GGACT: variants seen among roughly 807,000 people sequenced by gnomAD.
GGACT encodes the protein gamma-glutamylaminecyclotransferase.
For synonymous variants in GGACT, 118 were observed against 115.3 expected (o/e 1.02, Z -0.15); for missense variants, 241 against 233.2 (o/e 1.03, Z -0.22).
intron 2 of GGACT, among the ~76,000 whole-genome samples, chr13:100,578,097 C>T (rs1875306763): frequency 6.6e-6 from 1 of 152,168 alleles, no homozygotes; most frequent in Non-Finnish European, 1.5e-5. Flanking sequence ...GAAAACCATT[C>T]ATTTGATAAG....
chr13:100,558,453 C>T (rs1007372022), intron 2 of GGACT, among the ~76,000 whole-genome samples: 5 of 152,126 alleles, frequency 3.3e-5, no homozygotes, highest in African/African-American at 1.2e-4. Flanking sequence ...ATAAAAACCA[C>T]AAAGAGATAC....
intron 2 of GGACT, among the ~76,000 whole-genome samples, chr13:100,544,508 C>T (rs921628340): frequency 3.9e-5 from 6 of 152,200 alleles, no homozygotes; most frequent in African/African-American, 1.4e-4. Context: ...AAGTCCCTGG[C>T]AAAACACCTT....
intron 2 of GGACT, among the ~76,000 whole-genome samples, chr13:100,542,203 C>CTA (rs761552624): frequency 2.6e-5 from 4 of 152,204 alleles, no homozygotes; most frequent in Non-Finnish European, 5.9e-5. Flanking sequence ...GTCCAACTTA[C>CTA]TAAGTTAGAG....
intron 2 of GGACT, among the ~76,000 whole-genome samples, chr13:100,582,714 C>T (rs34914873): frequency 0.074 from 11,332 of 152,174 alleles, 1,047 homozygotes; most frequent in African/African-American, 0.21. Flanking sequence ...CAGATTCTCC[C>T]TAGAGCCTCC....
In GGACT at chr13:100,534,933, A is replaced by G. The variant is rs1180017879; in HGVS notation, c.-10-2332T>C. Among the ~76,000 whole-genome samples, 1 of 152,228 alleles carries G rather than the reference A, an allele frequency of 6.6e-6. No individual in the cohort carries two copies. Among genetic ancestry groups the G allele is most frequent in the Admixed American group, 6.5e-5 (1 of 15,292 alleles). On this transcript the variant is annotated intron_variant, in intron 2 of 2. Coordinates refer to ENST00000683975, the MANE Select transcript of GGACT (RefSeq NM_001195087.2). This position sits in a 1 kb window ranked among gnomAD's most constrained non-coding sequence, Gnocchi z 4.9. Reference sequence around the variant, plus strand: ...CGCCTGACCTGGAGGGTGCAGGAGTAGTAGGCAGGGCCTACTCAGTCTGTC... The same window carrying G: ...CGCCTGACCTGGAGGGTGCAGGAGTGGTAGGCAGGGCCTACTCAGTCTGTC...
At chr13:100,559,866 T>C (rs2088744132) in intron 2 of GGACT, among the ~76,000 whole-genome samples, 1 of 152,280 alleles carries the variant, frequency 6.6e-6, no homozygotes, top group Non-Finnish European at 1.5e-5. Flanking sequence ...CAGTTATGTA[T>C]ACCAGTTTAA....
rs1326611113 is a variant in GGACT, at chr13:100,532,145, G to A, written c.447C>T (p.Pro149=). The change falls in exon 3 of 3, where the codon CCC becomes CCT. Residue 149 remains proline, a synonymous_variant. Coordinates refer to ENST00000683975, the MANE Select transcript of GGACT (RefSeq NM_001195087.2). ...CCCGTCCCCCTTATCTGTTCTCCCGGGGGTTGTAGCGCAGCCCGTGCGGCC... is the reference window on the plus strand; with the variant it reads ...CCCGTCCCCCTTATCTGTTCTCCCGAGGGTTGTAGCGCAGCCCGTGCGGCC... The part of the protein sequence containing the change: ...SEGPHGLRYN[P]RENR 3.4e-6 allele frequency: 5 copies of A among 1,450,862 alleles called. No individual in the cohort carries two copies. The highest frequency in any genetic ancestry group is 2.5e-5 in the East Asian group (1 of 39,754). The allele number at this position is 1,450,862 out of a possible 1,614,324, so 89.9% of individuals were successfully genotyped here.
chr13:100,532,407 A>G lies in GGACT; in HGVS notation c.185T>C (p.Leu62Pro), dbSNP rs1177624315. ...WLLHLPGSGR[L>P]VEGEVYAVDE... is the part of the protein sequence containing the mutation. ...TACCGCGTAGACCTCGCCCTCCACG[A>G]GGCGCCCCGAGCCGGGCAGGTGCAG... The change falls in exon 3 of 3, where the codon CTC becomes CCC. Residue 62 changes from leucine to proline, a missense_variant. By Grantham distance (98) the Leu-to-Pro change is moderately conservative (BLOSUM62 -3). Transcript: ENST00000683975. The G allele has an allele frequency of 5.2e-6, 8 of 1,549,972 alleles. No homozygotes were observed. The highest frequency in any genetic ancestry group is 1.4e-5 in the African/African-American group (1 of 73,012).
chr13:100,546,560 C>T (rs1192931135), intron 2 of GGACT, among the ~76,000 whole-genome samples: 1 of 151,878 alleles, frequency 6.6e-6, no homozygotes. Flanking sequence ...CCTGTAATCC[C>T]AGCATTTTGG....
chr13:100,547,343 G>A (rs965010395), intron 2 of GGACT, among the ~76,000 whole-genome samples: 9 of 152,212 alleles, frequency 5.9e-5, no homozygotes, highest in African/African-American at 2.2e-4. Flanking sequence ...AGGGCCCTCT[G>A]GGGAGATGGA....
chr13:100,573,114 G>A (rs1238638928), intron 2 of GGACT, among the ~76,000 whole-genome samples: 1 of 152,158 alleles, frequency 6.6e-6, no homozygotes, highest in East Asian at 1.9e-4. Flanking sequence ...CAAGAAGAGT[G>A]GGAGAGAAGC....
intron 2 of GGACT, among the ~76,000 whole-genome samples, chr13:100,543,496 C>T (rs917804742): frequency 3.9e-5 from 6 of 152,064 alleles, no homozygotes; most frequent in Non-Finnish European, 8.8e-5. Context: ...TGAGCCAGCA[C>T]GCCTGGCCAA....
chr13:100,532,427 G>C lies in GGACT; in HGVS notation c.165C>G (p.His55Gln). 6.5e-7 allele frequency: 1 copy of C among 1,550,040 alleles called. No homozygotes were observed. The highest frequency in any genetic ancestry group is 8.7e-7 in the Non-Finnish European group (1 of 1,146,638). ...CCACGAGGCGCCCCGAGCCGGGCAG[G>C]TGCAGCAGCCACGGGATGTTGTGCT... The part of the protein sequence containing the change: ...AGEHNIPWLL[H>Q]LPGSGRLVEG... The change falls in exon 3 of 3, where the codon CAC becomes CAG. Residue 55 changes from histidine (H) to glutamine (Q), a missense_variant. By Grantham distance (24) the His-to-Gln change is conservative. Transcript: ENST00000683975.
At chr13:100,555,256 AACTCATGCCTGTAATCCCAGC>A (rs2088700578) in intron 2 of GGACT, among the ~76,000 whole-genome samples, 1 of 152,216 alleles carries the variant, frequency 6.6e-6, no homozygotes, top group South Asian at 2.1e-4. Context: ...CAGGCATGGT[AACTCATGCCTGTAATCCCAGC>A]ACTTTGGGAG....
At chr13:100,579,133 A>G (rs1164267022) in intron 2 of GGACT, among the ~76,000 whole-genome samples, 2 of 152,226 alleles carry the variant, frequency 1.3e-5, no homozygotes, top group African/African-American at 4.8e-5. Context: ...GGAAGGCATG[A>G]TGGCGGACTC....
At chr13:100,532,631 C>A in intron 2 of GGACT, 30 bp from the exon 3 acceptor site, 1 of 1,485,664 alleles carries the variant, frequency 6.7e-7, no homozygotes, top group Non-Finnish European at 9.0e-7. Context: ...CACAGGTCAG[C>A]CCGCAGTGGG....
At chr13:100,552,419 C>G (rs1039774326) in intron 2 of GGACT, among the ~76,000 whole-genome samples, 4 of 152,182 alleles carry the variant, frequency 2.6e-5, no homozygotes, top group Non-Finnish European at 4.4e-5. Flanking sequence ...CTGTGGTCAA[C>G]TAGGAGAAAC....
intron 2 of GGACT, among the ~76,000 whole-genome samples, chr13:100,578,420 C>T (rs960075077): frequency 2.6e-5 from 4 of 152,320 alleles, no homozygotes; most frequent in Non-Finnish European, 4.4e-5. Flanking sequence ...CACAGAGGCT[C>T]GAGAAAACCA....
chr13:100,578,683 CTCTTA>C (rs573873642), intron 2 of GGACT, among the ~76,000 whole-genome samples: 47 of 152,332 alleles, frequency 3.1e-4, no homozygotes, highest in Middle Eastern at 6.8e-3. Context: ...TACTAATCTC[CTCTTA>C]TAAGTTTTTA....
Sources: allele counts gnomAD v4.1 joint callset (sites outside exome capture counted in the v4.1 genomes callset), GRCh38; gene constraint gnomAD v4.1.1; non-coding constraint Gnocchi (gnomAD v3.1); transcripts MANE v1.5; gene names NCBI Gene and HGNC (gene_info 2026-07-23, HGNC 2026-07-21).